DPP6: variants seen among roughly 807,000 people sequenced by gnomAD.
DPP6 encodes A-type potassium channel modulatory protein DPP6.
A neutral mutation model predicts 122.6 loss-of-function variants in DPP6; 69 were observed. The ratio of observed to expected loss-of-function variants is 0.56; its 90% CI spans 0.46 to 0.69. The LOEUF (loss-of-function observed/expected upper bound fraction) is 0.69, where lower values mean the gene tolerates loss of function less well. Among genes scored for constraint, DPP6 ranks in the 30% least tolerant of loss-of-function variants. The pLI, the probability that DPP6 is intolerant of heterozygous loss-of-function variation, is 0.00. For synonymous variants in DPP6, 418 were observed against 433.1 expected (o/e 0.97, Z 0.43); for missense variants, 928 against 1,116.9 (o/e 0.83, Z 2.41).
At chr7:154,061,144 A>G (rs1801803414) in intron 1 of DPP6, among the ~76,000 whole-genome samples, 1 of 148,296 alleles carries the variant, frequency 6.7e-6, no homozygotes, top group Non-Finnish European at 1.5e-5. Flanking sequence ...CAGGTGAGAG[A>G]ATTCTTAGGA....
the DPP6 span, among the ~76,000 whole-genome samples, chr7:153,785,991 T>C: frequency 1.3e-5 from 2 of 152,158 alleles, no homozygotes; most frequent in African/African-American, 4.8e-5. Flanking sequence ...GTTTAAATAT[T>C]TGTTATTTCA....
chr7:153,909,136 C>A (rs1799968818), intron 1 of DPP6, among the ~76,000 whole-genome samples: 1 of 152,112 alleles, frequency 6.6e-6, no homozygotes, highest in Non-Finnish European at 1.5e-5. Flanking sequence ...TATTTTAATT[C>A]TTTATTTTTG....
intron 1 of DPP6, among the ~76,000 whole-genome samples, chr7:154,381,779 G>T (rs949309528): frequency 6.6e-6 from 1 of 152,208 alleles, no homozygotes; most frequent in Admixed American, 6.5e-5. Flanking sequence ...CTGCATGTGT[G>T]TGTATTTCCA....
chr7:154,085,688 A>G (rs1260195889), intron 1 of DPP6, among the ~76,000 whole-genome samples: 1 of 151,986 alleles, frequency 6.6e-6, no homozygotes, highest in Non-Finnish European at 1.5e-5. Flanking sequence ...TTCTATTGCA[A>G]CTTTAACTTT....
chr7:154,530,524 A>G (rs1433035360), intron 3 of DPP6, among the ~76,000 whole-genome samples: 2 of 152,222 alleles, frequency 1.3e-5, no homozygotes, highest in African/African-American at 4.8e-5. Flanking sequence ...GAGAAAATGT[A>G]GCACTTTTAC....
chr7:154,374,470 C>A (rs1199138926), intron 1 of DPP6, among the ~76,000 whole-genome samples: 1 of 152,140 alleles, frequency 6.6e-6, no homozygotes, highest in African/African-American at 2.4e-5. Context: ...CACGTGCAGA[C>A]CCCGCAGGAA....
At chr7:154,816,830 G>A (rs1799452410) in intron 16 of DPP6, among the ~76,000 whole-genome samples, 1 of 152,134 alleles carries the variant, frequency 6.6e-6, no homozygotes, top group Admixed American at 6.5e-5. Context: ...ACTTACACTA[G>A]CAAATTCCAG....
intron 1 of DPP6, among the ~76,000 whole-genome samples, chr7:153,975,108 C>T (rs1796227877): frequency 6.6e-6 from 1 of 152,054 alleles, no homozygotes; most frequent in Non-Finnish European, 1.5e-5. Context: ...CACTGGAGTA[C>T]CCATGAGACG....
chr7:154,803,560 C>T (rs567657432), intron 13 of DPP6, among the ~76,000 whole-genome samples: 19 of 152,340 alleles, frequency 1.2e-4, no homozygotes, highest in Admixed American at 3.9e-4. Flanking sequence ...TGATTCTCCT[C>T]CTGAGATGCT....
At chr7:154,239,956 C>T (rs553832235) in intron 1 of DPP6, among the ~76,000 whole-genome samples, 2 of 137,282 alleles carry the variant, frequency 1.5e-5, no homozygotes, top group African/African-American at 5.7e-5. Flanking sequence ...CGTGCCACTG[C>T]ACTCCAGCCT....
At chr7:153,926,812 A>AG (rs11411581) in intron 1 of DPP6, among the ~76,000 whole-genome samples, 41,623 of 139,578 alleles carry the variant, frequency 0.3, 7,685 homozygotes, top group African/African-American at 0.54. Context: ...TTGTAAAAAA[A>AG]AGAAAAAAAA....
chr7:154,104,809 G>A (rs759401305), intron 1 of DPP6, among the ~76,000 whole-genome samples: 17 of 144,718 alleles, frequency 1.2e-4, no homozygotes, highest in South Asian at 6.7e-4. Flanking sequence ...GTGTGCTTAC[G>A]TAACAAACAC....
At chr7:154,836,060 C>T (rs1489872054) in intron 16 of DPP6, among the ~76,000 whole-genome samples, 2 of 152,216 alleles carry the variant, frequency 1.3e-5, no homozygotes, top group South Asian at 2.1e-4. Context: ...CTCCGAGGCT[C>T]CCAAACCTTC....
At chr7:154,814,530 G>T (rs1043822701) in intron 16 of DPP6, among the ~76,000 whole-genome samples, 1 of 152,130 alleles carries the variant, frequency 6.6e-6, no homozygotes, top group African/African-American at 2.4e-5. Flanking sequence ...AGGCTGGGTG[G>T]TCTCACCTTC....
At chr7:154,001,566 G>A (rs1797693315) in intron 1 of DPP6, among the ~76,000 whole-genome samples, 1 of 151,958 alleles carries the variant, frequency 6.6e-6, no homozygotes, top group Non-Finnish European at 1.5e-5. Flanking sequence ...CTCCACTGCT[G>A]GCAGTTTATA....
chr7:154,162,862 A>G (rs11762795), intron 1 of DPP6, among the ~76,000 whole-genome samples: 19,184 of 151,890 alleles, frequency 0.13, 1,607 homozygotes, highest in African/African-American at 0.24. Context: ...GGAACTTGCT[A>G]GTGTTGTGTG....
At chr7:154,698,627 T>C (rs1840349050) in intron 7 of DPP6, among the ~76,000 whole-genome samples, 1 of 152,268 alleles carries the variant, frequency 6.6e-6, no homozygotes, top group Non-Finnish European at 1.5e-5. Context: ...TATTTAATAG[T>C]AAATTGATTT....
chr7:154,225,372 TC>T (rs1458922470), intron 1 of DPP6, among the ~76,000 whole-genome samples: 1 of 152,104 alleles, frequency 6.6e-6, no homozygotes, highest in Non-Finnish European at 1.5e-5. Flanking sequence ...AGAATATATA[TC>T]TATAGAACAG....
At chr7:154,516,331 G>A (rs1056026114) in intron 3 of DPP6, among the ~76,000 whole-genome samples, 2 of 151,846 alleles carry the variant, frequency 1.3e-5, no homozygotes, top group African/African-American at 4.8e-5. Flanking sequence ...TGCAGGGAGC[G>A]CAAAGGACTG....
Sources: allele counts gnomAD v4.1 joint callset (sites outside exome capture counted in the v4.1 genomes callset), GRCh38; gene constraint gnomAD v4.1.1; transcripts MANE v1.5; gene names NCBI Gene and HGNC (gene_info 2026-07-23, HGNC 2026-07-21).